The following RP1 variants were observed in gnomAD, a reference collection of about 807,000 sequenced individuals.
RP1 encodes oxygen-regulated protein 1.
Under a neutral mutation model 14.8 loss-of-function variants are expected in RP1, and 16 were observed. The observed-to-expected ratio is 1.08, with a 90% CI of 0.73 to 1.65. RP1 has a LOEUF of 1.65. Among genes scored for constraint, RP1 ranks in the 40% most tolerant of loss-of-function variants. The pLI is 0.00. For synonymous variants in RP1, 876 were observed against 883.6 expected, an observed-to-expected ratio of 0.99 and a Z score of 0.15; for missense variants, 2,631 against 2,535.0, an observed-to-expected ratio of 1.04 and a Z score of -0.81.
At chr8:54,791,911 C>T (rs1230828963) in intron 24 of RP1, among the ~76,000 whole-genome samples, 1 of 151,880 alleles carries the variant, frequency 6.6e-6, no homozygotes, top group Non-Finnish European at 1.5e-5. Flanking sequence ...AAAAGATGTG[C>T]AGCATTTGAA....
intron 5 of RP1, chr8:54,656,026 T>G (rs1806747458): frequency 7.7e-7 from 1 of 1,305,638 alleles, no homozygotes; most frequent in Non-Finnish European, 1.0e-6. Flanking sequence ...AAAAACTTAT[T>G]TGACACTTTG....
At chr8:54,597,765 A>G (rs1159357853) in intron 1 of RP1, among the ~76,000 whole-genome samples, 1 of 152,232 alleles carries the variant, frequency 6.6e-6, no homozygotes, top group Non-Finnish European at 1.5e-5. Context: ...GTCCATTTAT[A>G]TAAAATGTCC....
intron 24 of RP1, among the ~76,000 whole-genome samples, chr8:54,822,248 C>T (rs1365350783): frequency 6.6e-6 from 1 of 152,094 alleles, no homozygotes; most frequent in Non-Finnish European, 1.5e-5. Flanking sequence ...TTAATAAATT[C>T]ACTTCTATGA....
In RP1 at chr8:54,808,971, G is replaced by A. The variant is rs1190531202; in HGVS notation, c.3615+25261G>A. Reference sequence around the variant, plus strand: ...CAATTAGTACATATAATTTTATAATGCTAATGAAGAAGATAAGCTACCAAT... The same window carrying A: ...CAATTAGTACATATAATTTTATAATACTAATGAAGAAGATAAGCTACCAAT... On this transcript the variant is annotated intron_variant, in intron 24 of 28. Transcript: ENST00000637698. Among the ~76,000 whole-genome samples the A allele has an allele frequency of 2.0e-5, 3 of 152,272 alleles. No individual in the cohort carries two copies. The East Asian group carries it at 5.8e-4, about 29-fold the overall frequency.
Position 54,622,231 on chromosome 8 carries a change from C to G in RP1, c.730C>G (p.Pro244Ala). ...IQKYLLPARL[P>A]GISQRVYPKG... The stretch of plus-strand genomic sequence containing the variant: ...AAAATACTTGCTTCCTGCTAGATTA[C>G]CAGGGATCTCTCAGCGTGTGTACCC... The change falls in exon 3 of 4, where the codon CCA becomes GCA. Residue 244 changes from proline to alanine, a missense_variant. Pro to Ala is a conservative substitution (Grantham distance 27). Transcript: ENST00000220676. 6.2e-7 allele frequency: 1 copy of G among 1,614,078 alleles called. No homozygotes were observed. Among genetic ancestry groups the G allele is most frequent in the South Asian group, 1.1e-5 (1 of 91,082 alleles).
At chr8:54,759,338 AC>A (rs1436636497) in intron 22 of RP1, among the ~76,000 whole-genome samples, 7 of 152,222 alleles carry the variant, frequency 4.6e-5, no homozygotes, top group African/African-American at 1.7e-4. Context: ...AAAGTTTAAT[AC>A]TGGAAATTAT....
intron 3 of RP1, among the ~76,000 whole-genome samples, chr8:54,642,504 TC>T (rs201669440): frequency 0.01 from 1,593 of 152,240 alleles, 12 homozygotes; most frequent in Middle Eastern, 0.031. Flanking sequence ...TTTGGGGATA[TC>T]TTTTTTATTT....
chr8:54,588,027 C>T (rs1410959819), intron 1 of RP1, among the ~76,000 whole-genome samples: 1 of 152,170 alleles, frequency 6.6e-6, no homozygotes, highest in Non-Finnish European at 1.5e-5. Flanking sequence ...CTTATGTCTG[C>T]TGCTATTTTT....
chr8:54,588,285 TAA>T (rs1804976384), intron 1 of RP1, among the ~76,000 whole-genome samples: 6 of 152,096 alleles, frequency 3.9e-5, no homozygotes, highest in African/African-American at 1.2e-4. Context: ...AAGATTGCAA[TAA>T]AATATATGGA....
In RP1 at chr8:54,630,735, T is replaced by A; in HGVS notation, c.*382T>A. 1 of 1,034,186 alleles carries A rather than the reference T, an allele frequency of 9.7e-7. No homozygotes were observed. The highest frequency in any genetic ancestry group is 3.5e-5 in the South Asian group (1 of 28,494). The allele number at this position is 1,034,186 out of a possible 1,614,324, so 64.1% of individuals were successfully genotyped here. A position where few individuals can be genotyped will look rare whatever the true frequency, so the allele number is the denominator to read the frequency against. ...ATATTGACTGTATTGGTGAATAAAT[T>A]GAATAGACATAACCTCAAAGTACTT... On this transcript the variant is annotated 3_prime_UTR_variant, in exon 4 of 4. Transcript: ENST00000220676.
At chr8:54,677,173 C>T (rs1807311052) in intron 8 of RP1, among the ~76,000 whole-genome samples, 1 of 151,734 alleles carries the variant, frequency 6.6e-6, no homozygotes, top group South Asian at 2.1e-4. Flanking sequence ...GAAAATCCTG[C>T]ATCCTGGGAA....
chr8:54,597,689 C>T (rs1805179950), intron 1 of RP1, among the ~76,000 whole-genome samples: 1 of 152,124 alleles, frequency 6.6e-6, no homozygotes, highest in South Asian at 2.1e-4. Flanking sequence ...TATGCTAAAA[C>T]ATAGTTGAAC....
intron 27 of RP1, among the ~76,000 whole-genome samples, chr8:54,863,341 A>C (rs1441293935): frequency 6.6e-6 from 1 of 152,182 alleles, no homozygotes; most frequent in African/African-American, 2.4e-5. Context: ...CATATCACCT[A>C]GGTGTGTAGT....
At chr8:54,582,683 C>G (rs922429308) in intron 1 of RP1, among the ~76,000 whole-genome samples, 1 of 152,050 alleles carries the variant, frequency 6.6e-6, no homozygotes, top group African/African-American at 2.4e-5. Flanking sequence ...TTTCATTGAG[C>G]AGTGGTTTGT....
intron 1 of RP1, among the ~76,000 whole-genome samples, chr8:54,609,123 T>C (rs1454598420): frequency 3.9e-5 from 6 of 152,014 alleles, no homozygotes; most frequent in African/African-American, 1.5e-4. Context: ...TTCCATCAGA[T>C]CATAGCAGAT....
intron 1 of RP1, 150 bp from the exon 2 acceptor site, chr8:54,620,805 A>C: frequency 1.3e-6 from 1 of 757,718 alleles, no homozygotes. Flanking sequence ...TGTCGTTCAA[A>C]ATTGATAGGT....
chr8:54,811,853 A>T (rs1157798634), intron 24 of RP1, among the ~76,000 whole-genome samples: 1 of 152,220 alleles, frequency 6.6e-6, no homozygotes, highest in Non-Finnish European at 1.5e-5. Context: ...AAGCTCACTT[A>T]CCGCATATTG....
chr8:54,761,754 C>T (rs924918371), intron 22 of RP1, among the ~76,000 whole-genome samples: 1 of 152,034 alleles, frequency 6.6e-6, no homozygotes, highest in South Asian at 2.1e-4. Context: ...ATAAATGGTA[C>T]CGAGTGCTCA....
intron 14 of RP1, chr8:54,706,293 T>A: frequency 1.4e-6 from 1 of 713,660 alleles, no homozygotes; most frequent in Non-Finnish European, 2.3e-6. Context: ...TGCATAGCAG[T>A]GACATTGTTT....
Sources: gnomAD v4.1 joint callset for allele counts (sites outside exome capture counted in the v4.1 genomes callset) on GRCh38, gnomAD v4.1.1 for gene constraint, MANE v1.5 for transcripts, NCBI Gene and HGNC (gene_info 2026-07-23, HGNC 2026-07-21) for gene names.